Variants in C12orf42 observed in about 807,000 individuals in gnomAD.
The protein encoded by C12orf42 is uncharacterized protein C12orf42.
C12orf42 carries 25 observed loss-of-function variants against 21.6 expected under a neutral mutation model. The ratio of observed to expected loss-of-function variants is 1.16; its 90% confidence interval spans 0.84 to 1.62. The LOEUF (loss-of-function observed/expected upper bound fraction) is 1.62, where lower values mean the gene tolerates loss of function less well. Among genes scored for constraint, C12orf42 ranks in the 40% most tolerant of loss-of-function variants. The probability of loss-of-function intolerance (pLI) is 0.00; values close to 1 mark genes in which losing one functional copy is unlikely to be tolerated. For synonymous variants in C12orf42, 174 were observed against 175.0 expected, an observed-to-expected ratio of 0.99 and a Z score of 0.05; for missense variants, 483 against 459.3, an observed-to-expected ratio of 1.05 and a Z score of -0.47.
intron 4 of C12orf42, among the ~76,000 whole-genome samples, chr12:103,355,052 A>T (rs1306503944): frequency 6.6e-6 from 1 of 152,174 alleles, no homozygotes; most frequent in Admixed American, 6.6e-5. Context: ...ACCCATTACA[A>T]ATAAAAATTT....
chr12:103,178,020 TGCAA>T, the C12orf42 span: 1 of 152,232 alleles, frequency 6.6e-6, no homozygotes, highest in Non-Finnish European at 1.5e-5. Flanking sequence ...GAACGTGTGC[TGCAA>T]GCAATGGTGC....
chr12:103,520,068 C>T, the C12orf42 span, among the ~76,000 whole-genome samples: 1 of 152,316 alleles, frequency 6.6e-6, no homozygotes, highest in East Asian at 1.9e-4. Flanking sequence ...AGAAGTCCCA[C>T]TTGACTAACG....
chr12:103,088,205 T>C, the C12orf42 span, among the ~76,000 whole-genome samples: 5 of 152,208 alleles, frequency 3.3e-5, no homozygotes, highest in Non-Finnish European at 7.4e-5. Context: ...AGATGTACAC[T>C]TCTGTGAAGA....
chr12:103,164,079 C>T, the C12orf42 span, among the ~76,000 whole-genome samples: 1 of 152,154 alleles, frequency 6.6e-6, no homozygotes, highest in Non-Finnish European at 1.5e-5. Flanking sequence ...ATGCTCTGTG[C>T]TAAGATCTGT....
At chr12:103,461,241 C>T (rs1364178855) in intron 2 of C12orf42, among the ~76,000 whole-genome samples, 1 of 152,194 alleles carries the variant, frequency 6.6e-6, no homozygotes, top group Non-Finnish European at 1.5e-5. Context: ...AGTCTAATCA[C>T]TTAGCTCGGG....
chr12:103,056,635 T>G, the C12orf42 span, among the ~76,000 whole-genome samples: 1 of 152,184 alleles, frequency 6.6e-6, no homozygotes, highest in Non-Finnish European at 1.5e-5. Context: ...TATGTGTTTA[T>G]TTATTGAGTT....
chr12:103,203,440 G>A, the C12orf42 span, among the ~76,000 whole-genome samples: 1 of 152,304 alleles, frequency 6.6e-6, no homozygotes, highest in African/African-American at 2.4e-5. Context: ...GTTTATTGAA[G>A]CCAAGTGGGT....
chr12:103,061,892 C>A, the C12orf42 span, among the ~76,000 whole-genome samples: 65 of 151,454 alleles, frequency 4.3e-4, no homozygotes, highest in African/African-American at 1.5e-3. Context: ...TGTTAGTTTT[C>A]TCCTGTTTTA....
At chr12:103,051,083 C>T in the C12orf42 span, among the ~76,000 whole-genome samples, 2 of 152,084 alleles carry the variant, frequency 1.3e-5, no homozygotes, top group South Asian at 4.1e-4. Flanking sequence ...TAAAAGTGTT[C>T]TGTAATGATC....
chr12:103,304,710 C>G (rs918020493), intron 5 of C12orf42, among the ~76,000 whole-genome samples: 2 of 152,176 alleles, frequency 1.3e-5, no homozygotes, highest in African/African-American at 4.8e-5. Flanking sequence ...AACATATTGC[C>G]TTGTTCATAG....
chr12:103,256,021 C>G (rs1180979593), intron 10 of C12orf42, among the ~76,000 whole-genome samples: 3 of 131,902 alleles, frequency 2.3e-5, no homozygotes, highest in Non-Finnish European at 4.7e-5. Context: ...CCACTGCACT[C>G]CAGCCTGGGC....
chr12:103,550,622 T>A, the C12orf42 span: 1 of 152,168 alleles, frequency 6.6e-6, no homozygotes, highest in Non-Finnish European at 1.5e-5. Flanking sequence ...ATTTATTACA[T>A]CTTTGCTAAA....
intron 2 of C12orf42, among the ~76,000 whole-genome samples, chr12:103,403,319 T>C (rs916910375): frequency 6.8e-6 from 1 of 147,328 alleles, no homozygotes; most frequent in Admixed American, 6.9e-5. Context: ...GAGCTTGCAG[T>C]GAGCTGAGAT....
intron 1 of C12orf42, 143 bp from the exon 2 acceptor site, chr12:103,478,590 T>G: frequency 2.2e-6 from 1 of 450,992 alleles, no homozygotes; most frequent in Non-Finnish European, 3.8e-6. Flanking sequence ...ATAATTTTTT[T>G]TTTTTTTTTT....
At chr12:103,403,319 T>A (rs916910375) in intron 2 of C12orf42, among the ~76,000 whole-genome samples, 8 of 147,328 alleles carry the variant, frequency 5.4e-5, no homozygotes, top group African/African-American at 2.0e-4. Context: ...GAGCTTGCAG[T>A]GAGCTGAGAT....
At chr12:103,204,936 TA>T in the C12orf42 span, among the ~76,000 whole-genome samples, 5,556 of 152,026 alleles carry the variant, frequency 0.037, 151 homozygotes, top group Non-Finnish European at 0.056. Context: ...AAGAGAAAGT[TA>T]AAAAAAGGGC....
At chr12:103,400,238 G>C (rs2047882917) in intron 3 of C12orf42, among the ~76,000 whole-genome samples, 3 of 152,198 alleles carry the variant, frequency 2.0e-5, no homozygotes, top group Admixed American at 2.0e-4. Flanking sequence ...TCAGAGGAAA[G>C]GAGTGGCACC....
chr12:103,070,699 G>C, the C12orf42 span, among the ~76,000 whole-genome samples: 1 of 152,084 alleles, frequency 6.6e-6, no homozygotes, highest in Non-Finnish European at 1.5e-5. Context: ...CAGAAATGCA[G>C]GTAGGGAAGA....
At chr12:103,289,328 ATAT>A (rs756870341) in intron 4 of C12orf42, among the ~76,000 whole-genome samples, 8 of 152,092 alleles carry the variant, frequency 5.3e-5, no homozygotes, top group African/African-American at 9.7e-5. Flanking sequence ...TTTCTAACTA[ATAT>A]TATCATTTTT....
Sources: allele counts gnomAD v4.1 joint callset (sites outside exome capture counted in the v4.1 genomes callset), GRCh38; gene constraint gnomAD v4.1.1; transcripts MANE v1.5; gene names NCBI Gene and HGNC (gene_info 2026-07-23, HGNC 2026-07-21).